Variants in EWSR1 observed in about 807,000 individuals in gnomAD.
The protein encoded by EWSR1 is RNA-binding protein EWS.
EWSR1 carries 14 observed loss-of-function variants against 92.1 expected under a neutral mutation model. That is an observed-to-expected ratio of 0.15 (90% CI 0.10 to 0.24). The LOEUF is 0.24. Ranked by LOEUF, EWSR1 falls within the 10% of genes least tolerant of loss-of-function variation. EWSR1 has a pLI of 1.00. For missense variants in EWSR1, 637 were observed against 870.9 expected (o/e 0.73, Z 3.38); for synonymous variants, 303 against 292.9 (o/e 1.03, Z -0.35).
intron 5 of EWSR1, 34 bp from the exon 6 acceptor site, chr22:29,282,356 A>G: frequency 6.6e-7 from 1 of 1,505,412 alleles, no homozygotes; most frequent in Non-Finnish European, 8.8e-7. Context: ...AAAAAAAGTC[A>G]CTTTTTAATT....
chr22:29,274,515 T>C, intron 4 of EWSR1: 1 of 505,998 alleles, frequency 2.0e-6, no homozygotes, highest in Non-Finnish European at 3.5e-6. Flanking sequence ...CAAGCCTTAA[T>C]AATAGTTATT....
intron 1 of EWSR1, among the ~76,000 whole-genome samples, chr22:29,268,677 A>G (rs1361650229): frequency 6.6e-6 from 1 of 152,112 alleles, no homozygotes; most frequent in Non-Finnish European, 1.5e-5. Context: ...GCGGCCTTCG[A>G]GGCCCTGCGT....
intron 12 of EWSR1, among the ~76,000 whole-genome samples, chr22:29,297,389 A>G (rs1054665771): frequency 1.3e-5 from 2 of 152,180 alleles, no homozygotes; most frequent in African/African-American, 4.8e-5. Flanking sequence ...TTTTAAGTGT[A>G]TTTAAGTATG....
chr22:29,277,057 T>G (rs1359637267), intron 4 of EWSR1: 1 of 230,190 alleles, frequency 4.3e-6, no homozygotes. Flanking sequence ...GTTTTGGTCA[T>G]GCTCCACGCC....
chr22:29,299,378 C>A, intron 15 of EWSR1, 47 bp downstream of exon 15: 1 of 1,578,542 alleles, frequency 6.3e-7, no homozygotes, highest in Non-Finnish European at 8.6e-7. Context: ...TGGTGCTAAA[C>A]CTCTTTTCTT....
At chr22:29,299,139 T>TA (rs1209145077) in intron 14 of EWSR1, 95 bp from the exon 15 acceptor site, 2 of 1,606,500 alleles carry the variant, frequency 1.2e-6, no homozygotes, top group Non-Finnish European at 1.7e-6. Context: ...ATAGATCCTC[T>TA]TGATAGTGAG....
intron 7 of EWSR1, 57 bp from the exon 8 acceptor site, chr22:29,288,549 C>T: frequency 6.7e-7 from 1 of 1,492,564 alleles, no homozygotes; most frequent in Non-Finnish European, 9.0e-7. Context: ...GGAGAAAGTA[C>T]ATCAGGCAGT....
At chr22:29,290,785 A>T in intron 8 of EWSR1, 1 of 831,510 alleles carries the variant, frequency 1.2e-6, no homozygotes, top group African/African-American at 1.8e-5. Context: ...AATACTGGTT[A>T]GAAAAAACTC....
chr22:29,283,871 G>T, intron 6 of EWSR1, among the ~76,000 whole-genome samples: 1 of 150,318 alleles, frequency 6.7e-6, no homozygotes, highest in East Asian at 1.9e-4. Context: ...TTTTGCTCTT[G>T]TTGCCCAGGC....
intron 11 of EWSR1, chr22:29,295,545 CTTTT>C (rs755536586): frequency 1.4e-5 from 3 of 220,144 alleles, no homozygotes; most frequent in African/African-American, 4.5e-5. Flanking sequence ...TATCACGTTC[CTTTT>C]TTTAAGTCAG....
intron 1 of EWSR1, chr22:29,269,356 C>T (rs2058453696): frequency 6.6e-6 from 1 of 152,250 alleles, no homozygotes. Flanking sequence ...CACTTGCAAG[C>T]AAGCCCCGGT....
At chr22:29,299,447 C>T (rs956811001) in intron 15 of EWSR1, 116 bp downstream of exon 15, 6 of 1,495,600 alleles carry the variant, frequency 4.0e-6, no homozygotes, top group Admixed American at 2.4e-5. Flanking sequence ...GTTGTCGTGT[C>T]CTCATTTCTA....
chr22:29,300,288 TAGTA>T lies in EWSR1; in HGVS notation c.*128_*131del, dbSNP rs2061248595. On this transcript the variant is annotated 3_prime_UTR_variant, in exon 17 of 17. Transcript: ENST00000397938. Reference sequence around the variant, plus strand: ...TTATGATTATTCCTTGTCTGTACTTTAGTATTTTTCACCATTTGTGAAGAAACAT... The same window carrying T: ...TTATGATTATTCCTTGTCTGTACTTTTTTTTCACCATTTGTGAAGAAACAT... The T allele has an allele frequency of 1.1e-6, 1 of 927,404 alleles. No individual in the cohort carries two copies. Among genetic ancestry groups the T allele is most frequent in the Non-Finnish European group, 1.6e-6 (1 of 618,056 alleles). The allele number at this position is 927,404 out of a possible 1,614,324, so 57.4% of individuals were successfully genotyped here. A position where few individuals can be genotyped will look rare whatever the true frequency, so the allele number is the denominator to read the frequency against.
intron 5 of EWSR1, among the ~76,000 whole-genome samples, chr22:29,280,373 G>C (rs965817157): frequency 6.6e-6 from 1 of 152,078 alleles, no homozygotes; most frequent in African/African-American, 2.4e-5. Flanking sequence ...CGGCCTGCCT[G>C]TTGATTCTTT....
chr22:29,295,238 T>C (rs2060763434), intron 11 of EWSR1, among the ~76,000 whole-genome samples: 2 of 152,142 alleles, frequency 1.3e-5, no homozygotes, highest in South Asian at 4.1e-4. Context: ...AATATGTATA[T>C]AACATGTAGT....
rs182195687 is a variant in EWSR1, at chr22:29,278,047, G to A, written c.244G>A (p.Ala82Thr). ...QPPTGYTTPT[A>T]PQAYSQPVQG... is the part of the protein sequence containing the mutation. ...TGTTCTAGGTTATACTACTCCAACT[G>A]CCCCCCAGGCATACAGCCAGCCTGT... Residue 82 changes from alanine to threonine, a missense_variant, in exon 5 of 17, where the codon GCC becomes ACC. Ala to Thr is a moderately conservative substitution (Grantham distance 58). This residue lies in a region of EWSR1 where 144 missense variants were observed against 189.0 expected (regional missense o/e 0.76). Transcript: ENST00000397938. 13 of 1,613,762 alleles carry A rather than the reference G, an allele frequency of 8.1e-6. No individual in the cohort carries two copies. In the Admixed American group the frequency reaches 1.0e-4, roughly 12 times the overall value.
chr22:29,282,329 T>C (rs1047752318), intron 5 of EWSR1, 61 bp from the exon 6 acceptor site: 2 of 1,397,826 alleles, frequency 1.4e-6, no homozygotes, highest in African/African-American at 3.0e-5. Flanking sequence ...AGGAGTTTTG[T>C]GGTTGACCAA....
At chr22:29,298,920 A>G in intron 14 of EWSR1, 25 bp downstream of exon 14, 3 of 1,524,124 alleles carry the variant, frequency 2.0e-6, no homozygotes, top group Non-Finnish European at 2.6e-6. Context: ...TGGCAAATTG[A>G]TACCCTACGA....
chr22:29,300,005 T>A, intron 16 of EWSR1, 117 bp from the exon 17 acceptor site: 1 of 1,081,398 alleles, frequency 9.2e-7, no homozygotes, highest in Non-Finnish European at 1.3e-6. Flanking sequence ...TGGAAGGGCT[T>A]CCTCACCCCT....
Sources: gnomAD v4.1 joint callset for allele counts (sites outside exome capture counted in the v4.1 genomes callset) on GRCh38, gnomAD v4.1.1 for gene constraint, gnomAD v4.1.1 regional missense constraint, MANE v1.5 for transcripts, NCBI Gene and HGNC (gene_info 2026-07-23, HGNC 2026-07-21) for gene names.